The following TLK2 variants were observed in gnomAD, a reference collection of about 807,000 sequenced individuals.
TLK2 encodes the protein tousled like kinase 2, also known as serine/threonine-protein kinase tousled-like 2.
Under a neutral mutation model 117.3 loss-of-function variants are expected in TLK2, and 6 were observed. That is an observed-to-expected ratio of 0.05 (90% CI 0.03 to 0.10). TLK2 has a LOEUF of 0.10. TLK2 is among the 10% of genes least tolerant of loss of function. The pLI, the probability that TLK2 is intolerant of heterozygous loss-of-function variation, is 1.00. For synonymous variants in TLK2, 257 were observed against 316.7 expected (o/e 0.81, Z 2.00); for missense variants, 299 against 901.2 (o/e 0.33, Z 8.56).
chr17:62,574,041 AAAGT>A (rs1449166515), intron 12 of TLK2, among the ~76,000 whole-genome samples: 4 of 152,230 alleles, frequency 2.6e-5, no homozygotes, highest in Admixed American at 2.6e-4. Context: ...TGTTTAACTG[AAAGT>A]AAGTTTCAAG....
At chr17:62,512,984 T>A (rs1026403091) in intron 2 of TLK2, among the ~76,000 whole-genome samples, 6 of 151,238 alleles carry the variant, frequency 4.0e-5, no homozygotes, top group African/African-American at 9.7e-5. Context: ...GTTCAAGCGA[T>A]TCTCCTGCCT....
chr17:62,492,931 A>G (rs1190492751), intron 2 of TLK2, among the ~76,000 whole-genome samples: 1 of 152,046 alleles, frequency 6.6e-6, no homozygotes, highest in Non-Finnish European at 1.5e-5. Context: ...CCCCAACTCT[A>G]CTAAAAATAC....
At chr17:62,471,421 A>T (rs536288284) in intron 1 of TLK2, among the ~76,000 whole-genome samples, 1 of 152,342 alleles carries the variant, frequency 6.6e-6, no homozygotes, top group East Asian at 1.9e-4. Flanking sequence ...ATTTCCCCAT[A>T]GCCTTTGAAT....
intron 2 of TLK2, among the ~76,000 whole-genome samples, chr17:62,515,269 T>C (rs1253414964): frequency 1.3e-5 from 2 of 152,246 alleles, no homozygotes; most frequent in Admixed American, 1.3e-4. Flanking sequence ...TTGGCTATTG[T>C]GAATAATACT....
intron 15 of TLK2, among the ~76,000 whole-genome samples, chr17:62,584,504 A>C (rs1455721541): frequency 6.6e-6 from 1 of 152,128 alleles, no homozygotes; most frequent in East Asian, 1.9e-4. Context: ...AAGATTCTTT[A>C]AGAAAAGAAG....
Position 62,612,565 on chromosome 17 carries a change from A to T in TLK2, c.2253A>T (p.Ter751CysextTer2), listed in dbSNP as rs1337683264. 1.9e-6 allele frequency: 3 copies of T among 1,610,216 alleles called. No individual in the cohort carries two copies. The highest frequency in any genetic ancestry group is 2.5e-6 in the Non-Finnish European group (3 of 1,177,694). The change falls in exon 22 of 22, where the codon TGA becomes TGT. Residue 751 changes from the stop codon to cysteine (C), a stop_lost. Coordinates refer to ENST00000346027, the MANE Select transcript of TLK2 (RefSeq NM_006852.6). The part of the protein sequence containing the change: ...SGASNNSSSN[*>C] ...CGTCCAATAACAGTTCTTCTAATTG[A>T]GACTGACTCCAAGGCCACAAACTGT... is the stretch of plus-strand genomic sequence containing the variant.
At chr17:62,480,120 G>T (rs961977204) in intron 1 of TLK2, among the ~76,000 whole-genome samples, 1 of 152,270 alleles carries the variant, frequency 6.6e-6, no homozygotes, top group Non-Finnish European at 1.5e-5. Context: ...TGAAGGACTT[G>T]TAAGGGGGTT....
intron 16 of TLK2, among the ~76,000 whole-genome samples, chr17:62,595,948 C>T (rs2082449291): frequency 1.3e-5 from 2 of 151,882 alleles, no homozygotes; most frequent in African/African-American, 2.4e-5. Flanking sequence ...AAATAACCGT[C>T]CTTGTTATTT....
chr17:62,475,834 G>A (rs1377992467), upstream of TLK2, among the ~76,000 whole-genome samples: 1 of 148,632 alleles, frequency 6.7e-6, no homozygotes, highest in African/African-American at 2.5e-5. Flanking sequence ...TAATTTTTTT[G>A]TATTTTTAGT....
chr17:62,612,597 C>T lies in TLK2; in HGVS notation c.*32C>T. On this transcript the variant is annotated 3_prime_UTR_variant, in exon 22 of 22. Transcript: ENST00000346027. The stretch of plus-strand genomic sequence containing the variant: ...CTCCAAGGCCACAAACTGTTCAACA[C>T]ACACAAAGTGGACAAATGGCGTTCA... 1 of 1,576,104 alleles carries T rather than the reference C, an allele frequency of 6.3e-7. No individual in the cohort carries two copies. Among genetic ancestry groups the T allele is most frequent in the Non-Finnish European group, 8.7e-7 (1 of 1,155,648 alleles).
chr17:62,574,918 A>G (rs1457210839), intron 12 of TLK2, among the ~76,000 whole-genome samples: 1 of 152,214 alleles, frequency 6.6e-6, no homozygotes, highest in Non-Finnish European at 1.5e-5. Context: ...TCTTAAATAT[A>G]AAGTATTTTC....
intron 7 of TLK2, chr17:62,550,594 A>G (rs763981558): frequency 2.0e-5 from 3 of 152,178 alleles, no homozygotes; most frequent in Non-Finnish European, 4.4e-5. Flanking sequence ...AATGGCGTTA[A>G]TAATGCTGCC....
intron 6 of TLK2, among the ~76,000 whole-genome samples, chr17:62,534,350 A>G (rs1324981030): frequency 6.6e-6 from 1 of 152,210 alleles, no homozygotes; most frequent in Non-Finnish European, 1.5e-5. Flanking sequence ...GTAGAATCTG[A>G]ACCCAGGAAC....
intron 2 of TLK2, among the ~76,000 whole-genome samples, chr17:62,487,040 T>A (rs1476562163): frequency 3.9e-5 from 6 of 152,208 alleles, no homozygotes; most frequent in African/African-American, 1.4e-4. Flanking sequence ...ACGCCTGTAA[T>A]CCCAGCACTT....
chr17:62,553,504 A>T, intron 8 of TLK2, 159 bp from the exon 9 acceptor site: 2 of 618,294 alleles, frequency 3.2e-6, no homozygotes, highest in Non-Finnish European at 5.9e-6. Context: ...GAAGAATGAG[A>T]TGAGACAAGC....
In TLK2 at chr17:62,486,031, A is replaced by G. The variant is rs189045781; in HGVS notation, c.81+4825A>G. Among the ~76,000 whole-genome samples, 311 of 152,066 alleles carry G rather than the reference A, an allele frequency of 2.0e-3. 8 individuals are homozygous for G. The highest frequency in any genetic ancestry group is 9.1e-4 in the Non-Finnish European group (62 of 68,004). On this transcript the variant is annotated intron_variant, in intron 2 of 21. Coordinates refer to ENST00000346027, the MANE Select transcript of TLK2 (RefSeq NM_006852.6). ...GAGACGGGGTTTCACCGTGTTAGCCAGGATGGTCTCGATCTCCTGACCTCG... is the reference window on the plus strand; with the variant it reads ...GAGACGGGGTTTCACCGTGTTAGCCGGGATGGTCTCGATCTCCTGACCTCG...
At chr17:62,502,637 A>T (rs527958748) in intron 2 of TLK2, among the ~76,000 whole-genome samples, 3 of 152,344 alleles carry the variant, frequency 2.0e-5, no homozygotes, top group African/African-American at 7.2e-5. Context: ...CATAGCCTTA[A>T]GCAAGCTATA....
intron 2 of TLK2, among the ~76,000 whole-genome samples, chr17:62,511,059 A>G (rs2075105482): frequency 6.6e-6 from 1 of 152,232 alleles, no homozygotes; most frequent in South Asian, 2.1e-4. Context: ...CTCCTCATGT[A>G]TAATTCTAGT....
At chr17:62,511,161 A>T (rs1257218447) in intron 2 of TLK2, among the ~76,000 whole-genome samples, 1 of 152,190 alleles carries the variant, frequency 6.6e-6, no homozygotes, top group East Asian at 1.9e-4. Context: ...TGTGTGTATT[A>T]CACTTCTAGG....
Sources: allele counts gnomAD v4.1 joint callset (sites outside exome capture counted in the v4.1 genomes callset), GRCh38; gene constraint gnomAD v4.1.1; transcripts MANE v1.5; gene names NCBI Gene and HGNC (gene_info 2026-07-23, HGNC 2026-07-21).